Variants in ANKS1B observed in about 807,000 individuals in gnomAD.
ANKS1B encodes the protein ankyrin repeat and sterile alpha motif domain-containing protein 1B.
ANKS1B carries 36 observed loss-of-function variants against 148.3 expected under a neutral mutation model. That is an observed-to-expected ratio of 0.24 (90% CI 0.19 to 0.32). The LOEUF (loss-of-function observed/expected upper bound fraction) is 0.32. Ranked by LOEUF, ANKS1B falls within the 10% of genes least tolerant of loss-of-function variation. The pLI is 1.00. For synonymous variants in ANKS1B, 542 were observed against 560.8 expected (o/e 0.97, Z 0.47); for missense variants, 1,157 against 1,542.6 (o/e 0.75, Z 4.19).
intron 8 of ANKS1B, among the ~76,000 whole-genome samples, chr12:99,766,389 T>C (rs899569473): frequency 6.6e-6 from 1 of 152,170 alleles, no homozygotes; most frequent in Non-Finnish European, 1.5e-5. Flanking sequence ...GACTCTTTTA[T>C]TCTACTAGCC....
intron 22 of ANKS1B, among the ~76,000 whole-genome samples, chr12:98,792,320 A>C (rs2098880518): frequency 6.6e-6 from 1 of 152,202 alleles, no homozygotes; most frequent in Admixed American, 6.5e-5. Context: ...TAAAAATATC[A>C]ATTGACACAT....
At chr12:99,780,508 TCCTGA>T (rs2064175227) in intron 5 of ANKS1B, among the ~76,000 whole-genome samples, 3 of 151,996 alleles carry the variant, frequency 2.0e-5, no homozygotes. Context: ...GGTCTCGATA[TCCTGA>T]CCTCGTGATC....
intron 1 of ANKS1B, among the ~76,000 whole-genome samples, chr12:99,936,880 A>G (rs562094779): frequency 4.6e-5 from 7 of 152,320 alleles, no homozygotes; most frequent in African/African-American, 1.4e-4. Context: ...GATGTATTCA[A>G]TGATCAGTAG....
chr12:99,693,470 A>T (rs889232681), intron 8 of ANKS1B, among the ~76,000 whole-genome samples: 1 of 152,186 alleles, frequency 6.6e-6, no homozygotes, highest in African/African-American at 2.4e-5. Flanking sequence ...AGCTGGGGTC[A>T]AGAGATTTTG....
Position 99,812,179 on chromosome 12 carries a change from T to A in ANKS1B, c.348A>T (p.Pro116=). The change falls in exon 3 of 27, where the codon CCA becomes CCT. Residue 116 remains proline, a synonymous_variant. Coordinates refer to ENST00000683438, the MANE Select transcript of ANKS1B (RefSeq NM_001352186.2). ...CCTGTTCATTGACCCTGGAATGTGA[T>A]GGTCCATGATGAATAAGAATCTTCA... ...EIVKILIHHG[P]SHSRVNEQNN... is the part of the protein sequence containing the mutation. 1 of 1,611,584 alleles carries A rather than the reference T, an allele frequency of 6.2e-7. No homozygotes were observed. The highest frequency in any genetic ancestry group is 8.5e-7 in the Non-Finnish European group (1 of 1,178,314).
intron 8 of ANKS1B, among the ~76,000 whole-genome samples, chr12:99,696,440 G>T (rs528483980): frequency 3.6e-4 from 54 of 152,020 alleles, no homozygotes; most frequent in Non-Finnish European, 5.4e-4. Context: ...ATACCAATAC[G>T]CTCAAGAGAT....
rs149254848 is a variant in ANKS1B at position 98,998,494 on chromosome 12, G to A, written c.2778+54663C>T. On this transcript the variant is annotated intron_variant, in intron 17 of 26. Transcript: ENST00000683438. ...TATTGCTTTAAGTTGGAGAAAAGCT[G>A]CAAGTAAGACAACATATTTCTTCAT... is the stretch of plus-strand genomic sequence containing the variant. Among the ~76,000 whole-genome samples, 544 of 152,290 alleles carry A rather than the reference G, an allele frequency of 3.6e-3. 4 individuals carry two copies. The highest frequency in any genetic ancestry group is 0.013 in the African/African-American group (526 of 41,568).
chr12:98,749,404 G>A (rs532696953), intron 26 of ANKS1B, among the ~76,000 whole-genome samples: 1 of 152,128 alleles, frequency 6.6e-6, no homozygotes, highest in African/African-American at 2.4e-5. Context: ...ACCGTGCCCG[G>A]CCCAAAACTT....
chr12:99,581,689 G>A (rs1321759927), intron 9 of ANKS1B, among the ~76,000 whole-genome samples: 3 of 151,822 alleles, frequency 2.0e-5, no homozygotes, highest in Non-Finnish European at 4.4e-5. Flanking sequence ...AGGAGATCGA[G>A]ACCATCCTGG....
rs186745729 is a variant in ANKS1B at position 99,853,933 on chromosome 12, G to A, written c.135-28544C>T. On this transcript the variant is annotated intron_variant, in intron 1 of 26. Coordinates refer to ENST00000683438, the MANE Select transcript of ANKS1B (RefSeq NM_001352186.2). Reference sequence around the variant, plus strand: ...CGCTTAGAGAAATGCAAAATGCACCGGAAAGAATCAGCAACAGAATTGAAC... The same window carrying A: ...CGCTTAGAGAAATGCAAAATGCACCAGAAAGAATCAGCAACAGAATTGAAC... 6.7e-3 allele frequency among the ~76,000 whole-genome samples: 1,024 copies of A among 152,246 alleles called. 10 individuals are homozygous for A. Among genetic ancestry groups the A allele is most frequent in the Middle Eastern group, 0.01 (3 of 294 alleles).
chr12:98,798,823 T>G (rs2098975438), intron 22 of ANKS1B, 111 bp downstream of exon 22: 1 of 837,500 alleles, frequency 1.2e-6, no homozygotes, highest in African/African-American at 1.7e-5. Flanking sequence ...ACCAATGTGA[T>G]TCAGCAGACC....
chr12:99,619,248 C>A (rs993215545), intron 9 of ANKS1B, among the ~76,000 whole-genome samples: 1 of 152,088 alleles, frequency 6.6e-6, no homozygotes, highest in Admixed American at 6.5e-5. Flanking sequence ...CATGCCCAGG[C>A]AGATTTCCAG....
intron 9 of ANKS1B, among the ~76,000 whole-genome samples, chr12:99,638,170 GAC>G (rs1311021048): frequency 1.3e-5 from 2 of 152,156 alleles, no homozygotes; most frequent in Non-Finnish European, 2.9e-5. Context: ...CTGCTATAAA[GAC>G]ACACGAAAAT....
intron 16 of ANKS1B, among the ~76,000 whole-genome samples, 162 bp downstream of exon 16, chr12:99,084,763 A>G (rs1400108153): frequency 1.3e-5 from 2 of 152,220 alleles, no homozygotes; most frequent in East Asian, 3.9e-4. Context: ...GGCCCATAGT[A>G]GTCTCATAAG....
rs560408220 is a variant in ANKS1B at position 99,947,793 on chromosome 12, T to G, written c.134+36311A>C. Among the ~76,000 whole-genome samples the G allele has an allele frequency of 1.3e-3, 197 of 152,238 alleles. 2 individuals are homozygous for G. Among genetic ancestry groups the G allele is most frequent in the Middle Eastern group, 6.8e-3 (2 of 294 alleles). ...GGCATATTCAGGTGGTTGGCAGAATTCAGTTCCACACAGCAAATAGGACTG... is the reference window on the plus strand; with the variant it reads ...GGCATATTCAGGTGGTTGGCAGAATGCAGTTCCACACAGCAAATAGGACTG... On this transcript the variant is annotated intron_variant, in intron 1 of 26. Transcript: ENST00000683438.
At chr12:98,976,566 C>T (rs74927352) in intron 17 of ANKS1B, 2 of 152,104 alleles carry the variant, frequency 1.3e-5, no homozygotes, top group East Asian at 1.9e-4. Context: ...ACCAAGATCC[C>T]GACGGTTTAT....
chr12:99,150,410 C>T (rs566061183), intron 15 of ANKS1B, among the ~76,000 whole-genome samples: 18 of 152,126 alleles, frequency 1.2e-4, no homozygotes, highest in Middle Eastern at 6.8e-3. Context: ...GTAACCACTG[C>T]GTGAGTTCAG....
chr12:99,413,182 T>G (rs953457361), intron 11 of ANKS1B, among the ~76,000 whole-genome samples: 1 of 152,192 alleles, frequency 6.6e-6, no homozygotes, highest in Non-Finnish European at 1.5e-5. Context: ...GCCTATAATG[T>G]TAGTATCAAA....
rs535663363 is a variant in ANKS1B at position 99,611,418 on chromosome 12, T to C, written c.1272+43649A>G. On this transcript the variant is annotated intron_variant, in intron 9 of 26. Coordinates refer to ENST00000683438, the MANE Select transcript of ANKS1B (RefSeq NM_001352186.2). Reference sequence around the variant, plus strand: ...CCAGCCTCAAATACATGTTTGTTTGTTTGTTTGTTTAAGCACACAATAATA... The same window carrying C: ...CCAGCCTCAAATACATGTTTGTTTGCTTGTTTGTTTAAGCACACAATAATA... Among the ~76,000 whole-genome samples the C allele has an allele frequency of 5.5e-4, 83 of 152,238 alleles. 2 individuals carry two copies. Among genetic ancestry groups the C allele is most frequent in the Non-Finnish European group, 7.1e-4 (48 of 68,006 alleles).
Sources: gnomAD v4.1 joint callset for allele counts (sites outside exome capture counted in the v4.1 genomes callset) on GRCh38, gnomAD v4.1.1 for gene constraint, MANE v1.5 for transcripts, NCBI Gene and HGNC (gene_info 2026-07-23, HGNC 2026-07-21) for gene names.